Variants in ZNF143 observed in about 807,000 individuals in gnomAD.
The protein encoded by ZNF143 is zinc finger protein 143.
A neutral mutation model predicts 74.1 loss-of-function variants in ZNF143; 49 were observed. The observed-to-expected ratio is 0.66, with a 90% CI of 0.53 to 0.84. The LOEUF (loss-of-function observed/expected upper bound fraction) is 0.84. ZNF143 is among the 40% of genes least tolerant of loss of function. The pLI, the probability that ZNF143 is intolerant of heterozygous loss-of-function variation, is 0.00. For missense variants in ZNF143, 637 were observed against 793.4 expected (o/e 0.80, Z 2.37); for synonymous variants, 304 against 282.8 (o/e 1.07, Z -0.75).
chr11:9,512,820 A>C (rs756638686), intron 13 of ZNF143, among the ~76,000 whole-genome samples: 8 of 152,152 alleles, frequency 5.3e-5, no homozygotes, highest in Non-Finnish European at 1.2e-4. Flanking sequence ...TGTAGTTCAA[A>C]GGTGAGATGA....
chr11:9,522,587 G>A (rs910361663), intron 14 of ZNF143, among the ~76,000 whole-genome samples: 8 of 152,106 alleles, frequency 5.3e-5, no homozygotes, highest in Non-Finnish European at 1.0e-4. Context: ...TCCGCCTCCC[G>A]GGTTCAAGCG....
At chr11:9,511,502 C>T (rs1183998368) in intron 12 of ZNF143, among the ~76,000 whole-genome samples, 1 of 150,276 alleles carries the variant, frequency 6.7e-6, no homozygotes, top group Non-Finnish European at 1.5e-5. Flanking sequence ...ATGGGTTTCA[C>T]CGTGTTAGCC....
chr11:9,483,073 A>G (rs893735011), intron 7 of ZNF143, among the ~76,000 whole-genome samples: 1 of 150,970 alleles, frequency 6.6e-6, no homozygotes, highest in African/African-American at 2.5e-5. Flanking sequence ...GGCTGACTGC[A>G]ACCTCCACCT....
intron 7 of ZNF143, among the ~76,000 whole-genome samples, chr11:9,489,437 T>C (rs1404908371): frequency 6.6e-6 from 1 of 152,168 alleles, no homozygotes; most frequent in Non-Finnish European, 1.5e-5. Context: ...GTCTCCACTA[T>C]AGACATTAAG....
intron 11 of ZNF143, among the ~76,000 whole-genome samples, chr11:9,502,189 G>A (rs1479922205): frequency 6.9e-6 from 1 of 145,440 alleles, no homozygotes; most frequent in Non-Finnish European, 1.5e-5. Context: ...GCCCGCCTCG[G>A]CCTCTCAAAG....
At chr11:9,473,835 A>C in intron 3 of ZNF143, 106 bp from the exon 4 acceptor site, 8 of 1,602,446 alleles carry the variant, frequency 5.0e-6, no homozygotes, top group Non-Finnish European at 6.8e-6. Context: ...CAAGATGAAC[A>C]CGAGCTTAAG....
chr11:9,515,912 G>A (rs892697300), intron 13 of ZNF143, among the ~76,000 whole-genome samples: 1 of 151,678 alleles, frequency 6.6e-6, no homozygotes, highest in Admixed American at 6.6e-5. Context: ...TTGAACCCAG[G>A]AGTTTTAGAC....
chr11:9,474,781 T>G, intron 5 of ZNF143, 148 bp downstream of exon 5: 1 of 865,210 alleles, frequency 1.2e-6, no homozygotes, highest in East Asian at 2.7e-5. Flanking sequence ...AAGCATGATT[T>G]AAGGAAAAAT....
chr11:9,472,532 G>A (rs550728674), intron 2 of ZNF143, 145 bp from the exon 3 acceptor site: 30 of 667,684 alleles, frequency 4.5e-5, no homozygotes, highest in Non-Finnish European at 6.5e-5. Context: ...GATTACAGGC[G>A]TGAGCCACTG....
At chr11:9,519,672 T>G (rs1210590135) in intron 14 of ZNF143, among the ~76,000 whole-genome samples, 3 of 152,218 alleles carry the variant, frequency 2.0e-5, no homozygotes, top group African/African-American at 7.2e-5. Context: ...TTTTGACTAT[T>G]ATGAATAAGA....
chr11:9,461,129 C>T (rs1855790074), intron 1 of ZNF143, 53 bp downstream of exon 1: 2 of 977,796 alleles, frequency 2.0e-6, no homozygotes, highest in Non-Finnish European at 2.4e-6. Context: ...CGCCTGGCCG[C>T]CGCCCTCAGC....
At chr11:9,490,431 G>T (rs947963135) in intron 7 of ZNF143, among the ~76,000 whole-genome samples, 1 of 151,300 alleles carries the variant, frequency 6.6e-6, no homozygotes, top group Non-Finnish European at 1.5e-5. Flanking sequence ...TGACAGGCAC[G>T]TACCACCATG....
intron 1 of ZNF143, among the ~76,000 whole-genome samples, chr11:9,464,973 T>C (rs1856110262): frequency 6.6e-6 from 1 of 152,106 alleles, no homozygotes; most frequent in Non-Finnish European, 1.5e-5. Flanking sequence ...AATTAATTTG[T>C]TAAATGTGAA....
At chr11:9,465,624 C>T (rs1282505264) in intron 1 of ZNF143, among the ~76,000 whole-genome samples, 1 of 150,652 alleles carries the variant, frequency 6.6e-6, no homozygotes, top group Non-Finnish European at 1.5e-5. Context: ...CTCAGCCTCC[C>T]TAGTAGCTGG....
At chr11:9,477,319 A>T (rs189202654) in intron 5 of ZNF143, among the ~76,000 whole-genome samples, 3 of 147,256 alleles carry the variant, frequency 2.0e-5, no homozygotes, top group Non-Finnish European at 3.0e-5. Flanking sequence ...CAGTGGTGCA[A>T]TCTCGGCTCA....
chr11:9,523,665 C>T (rs1351898386), intron 14 of ZNF143, among the ~76,000 whole-genome samples: 1 of 151,774 alleles, frequency 6.6e-6, no homozygotes, highest in East Asian at 1.9e-4. Flanking sequence ...ACCCGGGAGG[C>T]GGAGCTTGCA....
At chr11:9,471,110 G>C in intron 1 of ZNF143, 192 bp from the exon 2 acceptor site, 2 of 390,246 alleles carry the variant, frequency 5.1e-6, no homozygotes, top group Non-Finnish European at 9.1e-6. Flanking sequence ...CCATCAGTTT[G>C]AATTGTTGAA....
chr11:9,486,228 A>G (rs923271291), intron 7 of ZNF143, among the ~76,000 whole-genome samples: 2 of 144,052 alleles, frequency 1.4e-5, no homozygotes, highest in Non-Finnish European at 3.0e-5. Flanking sequence ...AATAAATGTC[A>G]GTTAGCCTCT....
At chr11:9,475,910 A>ATATATGTGTGTGTGTG (rs370474107) in intron 5 of ZNF143, among the ~76,000 whole-genome samples, 12 of 137,372 alleles carry the variant, frequency 8.7e-5, no homozygotes, top group African/African-American at 2.8e-4. Flanking sequence ...AAAAATATAT[A>ATATATGTGTGTGTGTG]TGTGTGTGTG....
Sources: gnomAD v4.1 joint callset for allele counts (sites outside exome capture counted in the v4.1 genomes callset) on GRCh38, gnomAD v4.1.1 for gene constraint, MANE v1.5 for transcripts, NCBI Gene and HGNC (gene_info 2026-07-23, HGNC 2026-07-21) for gene names.